Variants in TULP4 observed in about 807,000 individuals in gnomAD.
TULP4 encodes the protein TUB like protein 4.
TULP4 carries 16 observed loss-of-function variants against 129.0 expected under a neutral mutation model. That is an observed-to-expected ratio of 0.12 (90% CI 0.08 to 0.19). The LOEUF is 0.19. TULP4 is among the 10% of genes least tolerant of loss of function. The probability of loss-of-function intolerance (pLI) is 1.00; values close to 1 mark genes in which losing one functional copy is unlikely to be tolerated. For synonymous variants in TULP4, 998 were observed against 854.0 expected (o/e 1.17, Z -2.94); for missense variants, 1,842 against 2,059.1 (o/e 0.89, Z 2.04).
chr6:158,481,329 G>A (rs780256026), intron 8 of TULP4, 40 bp downstream of exon 8: 1 of 1,571,374 alleles, frequency 6.4e-7, no homozygotes, highest in African/African-American at 1.4e-5. Flanking sequence ...TTGTTCTCCT[G>A]TGGTCATGGG....
At chr6:158,244,165 C>T (rs262821) in intron 1 of TULP4, among the ~76,000 whole-genome samples, 72,618 of 151,910 alleles carry the variant, frequency 0.48, 17,547 homozygotes, top group East Asian at 0.54. Flanking sequence ...CTTATTTAGG[C>T]TGGCACCTGA....
chr6:158,343,547 C>T lies in TULP4; in HGVS notation c.252+29279C>T, dbSNP rs374794735. Among the ~76,000 whole-genome samples the T allele has an allele frequency of 1.1e-4, 16 of 152,112 alleles. No individual in the cohort carries two copies. The East Asian group carries it at 3.1e-3, about 30-fold the overall frequency. On this transcript the variant is annotated intron_variant, in intron 1 of 13. Coordinates refer to ENST00000367097, the MANE Select transcript of TULP4 (RefSeq NM_020245.5). ...AATGGCCTTCTTAGGCCCTAGAGAG[C>T]TCGCACCCTCTTTCCCTCACATGAG...
At chr6:158,444,078 G>GC (rs1778970184) in intron 3 of TULP4, among the ~76,000 whole-genome samples, 1 of 151,760 alleles carries the variant, frequency 6.6e-6, no homozygotes, top group South Asian at 2.1e-4. Flanking sequence ...AAATTAGCCT[G>GC]GCGTGGTGGC....
intron 1 of TULP4, among the ~76,000 whole-genome samples, chr6:158,297,087 GTCCTTTTCTCAACCGCATAGGACA>G (rs777288603): frequency 8.9e-4 from 136 of 152,224 alleles, no homozygotes; most frequent in Non-Finnish European, 1.6e-3. Context: ...GTGTATCTCA[GTCCTTTTCTCAACCGCATAGGACA>G]GACACTCCCA....
At chr6:158,496,875 C>T (rs1287004159) in intron 11 of TULP4, among the ~76,000 whole-genome samples, 2 of 152,116 alleles carry the variant, frequency 1.3e-5, no homozygotes, top group African/African-American at 4.8e-5. Flanking sequence ...GGAGATAGGG[C>T]CTGGCTCTGT....
chr6:158,355,945 A>C (rs1383611123), intron 1 of TULP4, among the ~76,000 whole-genome samples: 3 of 152,232 alleles, frequency 2.0e-5, no homozygotes, highest in Non-Finnish European at 4.4e-5. Context: ...TAGAAAAGAC[A>C]GAAGACTGAC....
At chr6:158,506,371 A>G (rs1010078122) in intron 13 of TULP4, among the ~76,000 whole-genome samples, 3 of 151,484 alleles carry the variant, frequency 2.0e-5, no homozygotes, top group African/African-American at 7.3e-5. Flanking sequence ...AGCTGGGACT[A>G]CAGGCGCCCG....
At position 158,503,757 on chromosome 6, in the gene TULP4, T is replaced by C. The variant is rs902162030; in HGVS notation, c.4094T>C (p.Leu1365Ser). ...EGKVKKEARTLSDFNSLISSP... is the reference protein window; with the variant it reads ...EGKVKKEARTSSDFNSLISSP... ...AAAGTGAAGAAGGAGGCTAGGACTT[T>C]GAGTGACTTTAATTCCCTAATCTCC... The change falls in exon 13 of 14, where the codon TTG (leucine) becomes TCG (serine). Residue 1365 changes from leucine (L) to serine (S), a missense_variant. By Grantham distance (145) the Leu-to-Ser change is moderately radical. This residue lies in a region of TULP4 where 1,089 missense variants were observed against 987.1 expected (regional missense o/e 1.10). Coordinates refer to ENST00000367097, the MANE Select transcript of TULP4 (RefSeq NM_020245.5). This position sits in a 1 kb window ranked among gnomAD's most constrained non-coding sequence, Gnocchi z 4.3. 33 of 1,613,962 alleles carry C rather than the reference T, an allele frequency of 2.0e-5. No individual in the cohort carries two copies. Among genetic ancestry groups the C allele is most frequent in the Non-Finnish European group, 2.7e-5 (32 of 1,180,028 alleles).
chr6:158,279,041 G>A (rs944632844), upstream of TULP4, among the ~76,000 whole-genome samples: 10 of 146,318 alleles, frequency 6.8e-5, no homozygotes, highest in Non-Finnish European at 1.0e-4. Flanking sequence ...CTGGGTTCAC[G>A]CCATTCTCCT....
intron 6 of TULP4, among the ~76,000 whole-genome samples, chr6:158,472,790 A>G (rs1779720941): frequency 6.6e-6 from 1 of 152,226 alleles, no homozygotes; most frequent in Admixed American, 6.5e-5. Context: ...CTCCTGATTT[A>G]CTTGTAACAG....
chr6:158,266,655 A>G (rs958776743), intron 1 of TULP4, among the ~76,000 whole-genome samples: 1 of 152,258 alleles, frequency 6.6e-6, no homozygotes, highest in Non-Finnish European at 1.5e-5. Context: ...AAAAAATACA[A>G]CAAAAATATA....
In TULP4 at chr6:158,452,205, G is replaced by A. The variant is rs1240069892; in HGVS notation, c.796G>A (p.Asp266Asn). Residue 266 changes from aspartate (D) to asparagine (N), a missense_variant, in exon 5 of 14, where the codon GAC becomes AAC. Transcript: ENST00000367097. Reference protein sequence around the residue: ...PLLTVSFTSGDISLMNNYDDL... With the variant: ...PLLTVSFTSGNISLMNNYDDL... Reference sequence around the variant, plus strand: ...GCTCACCGTCAGCTTCACCTCGGGAGACATCAGCTTAATGAACAACTACGA... The same window carrying A: ...GCTCACCGTCAGCTTCACCTCGGGAAACATCAGCTTAATGAACAACTACGA... The A allele has an allele frequency of 5.0e-6, 8 of 1,614,206 alleles. No homozygotes were observed. The Admixed American group carries it at 1.3e-4, about 27-fold the overall frequency.
intron 2 of TULP4, among the ~76,000 whole-genome samples, chr6:158,420,268 C>G (rs749137055): frequency 3.3e-5 from 5 of 152,086 alleles, no homozygotes; most frequent in Non-Finnish European, 5.9e-5. Context: ...TTCTTCTCAA[C>G]CACTTAAAAC....
intron 3 of TULP4, among the ~76,000 whole-genome samples, chr6:158,448,778 G>A (rs993956462): frequency 3.9e-5 from 6 of 152,308 alleles, no homozygotes; most frequent in Middle Eastern, 3.4e-3. Context: ...TACTCATTCT[G>A]CTGTTAGTCA....
chr6:158,264,792 C>CTT lies in TULP4; in HGVS notation n.68+32490_68+32491insTT, dbSNP rs563729460. ...ATGAGGCCCTCTCTTCTCCATGCCT[C>CTT]TAAGTTCTACAGACCATCAGTGCCG... is the stretch of plus-strand genomic sequence containing the variant. On this transcript the variant is annotated intron_variant and non_coding_transcript_variant, in intron 1 of 1. Coordinates refer to the TULP4 transcript ENST00000620026. Among the ~76,000 whole-genome samples the CTT allele has an allele frequency of 2.9e-3, 435 of 152,306 alleles. 3 individuals carry two copies. The highest frequency in any genetic ancestry group is 1.0e-2 in the African/African-American group (415 of 41,578).
chr6:158,279,821 C>G (rs1332207904), upstream of TULP4, among the ~76,000 whole-genome samples: 1 of 152,222 alleles, frequency 6.6e-6, no homozygotes, highest in Admixed American at 6.5e-5. Flanking sequence ...AAACAGCAGA[C>G]AGCTGTGAAC....
At chr6:158,344,501 T>C (rs768301029) in intron 1 of TULP4, among the ~76,000 whole-genome samples, 2 of 152,240 alleles carry the variant, frequency 1.3e-5, no homozygotes, top group Non-Finnish European at 2.9e-5. Context: ...TTTTGGTAAT[T>C]GTCACAATAT....
intron 1 of TULP4, among the ~76,000 whole-genome samples, chr6:158,327,801 T>G (rs1167807240): frequency 1.3e-5 from 2 of 152,128 alleles, no homozygotes; most frequent in African/African-American, 2.4e-5. Flanking sequence ...AATTGAGGTC[T>G]TCTTTAAATG....
chr6:158,363,787 GTGTT>G (rs1562535698), intron 1 of TULP4, among the ~76,000 whole-genome samples: 1 of 151,566 alleles, frequency 6.6e-6, no homozygotes, highest in African/African-American at 2.4e-5. Flanking sequence ...GCAAGGCCGC[GTGTT>G]TTTTTTTTCT....
Sources: gnomAD v4.1 joint callset for allele counts (sites outside exome capture counted in the v4.1 genomes callset) on GRCh38, gnomAD v4.1.1 for gene constraint, gnomAD v4.1.1 regional missense constraint, Gnocchi (gnomAD v3.1) non-coding constraint, MANE v1.5 for transcripts, NCBI Gene and HGNC (gene_info 2026-07-23, HGNC 2026-07-21) for gene names.